Variants in BCOR observed in about 807,000 individuals in gnomAD.
BCOR encodes the protein BCL-6 corepressor.
A neutral mutation model predicts 86.7 loss-of-function variants in BCOR; 10 were observed. The observed-to-expected ratio is 0.12, with a 90% CI of 0.07 to 0.20. The LOEUF (loss-of-function observed/expected upper bound fraction) is 0.20, where lower values mean the gene tolerates loss of function less well. Among genes scored for constraint, BCOR ranks in the 10% least tolerant of loss-of-function variants. BCOR has a pLI of 1.00. For synonymous variants in BCOR, 611 were observed against 609.0 expected (o/e 1.00, Z -0.05); for missense variants, 1,259 against 1,452.1 (o/e 0.87, Z 2.16).
chrX:40,145,193 G>T (rs1452375191), intron 1 of BCOR, among the ~76,000 whole-genome samples: 1 of 111,421 alleles, frequency 9.0e-6, no homozygotes, highest in African/African-American at 3.3e-5. Context: ...CTGACACGCC[G>T]CCAGCACCCA....
At chrX:40,158,564 T>G (rs1480227086) in intron 1 of BCOR, among the ~76,000 whole-genome samples, 1 of 112,533 alleles carries the variant, frequency 8.9e-6, no homozygotes, top group Non-Finnish European at 1.9e-5. Context: ...GAGCGGATTT[T>G]AATCCTGAGA....
chrX:40,102,303 C>T (rs1937087019), upstream of BCOR, among the ~76,000 whole-genome samples: 1 of 112,906 alleles, frequency 8.9e-6, no homozygotes, highest in Non-Finnish European at 1.9e-5. Flanking sequence ...TTGGGTCAGG[C>T]CCTGAGCTCC....
At chrX:40,107,314 C>A (rs1025995973) in intron 1 of BCOR, among the ~76,000 whole-genome samples, 1 of 111,202 alleles carries the variant, frequency 9.0e-6, no homozygotes, top group Admixed American at 9.4e-5. Context: ...GCACGCGGGG[C>A]GGGGCGACCC....
intron 4 of BCOR, 56 bp downstream of exon 4, chrX:40,072,293 C>T: frequency 8.8e-7 from 1 of 1,133,623 alleles, no homozygotes; most frequent in South Asian, 1.9e-5. Context: ...ATCCTGTTTA[C>T]ACATTAAAAA....
At chrX:40,101,322 C>T (rs974443074), upstream of BCOR, among the ~76,000 whole-genome samples, 2 of 111,538 alleles carry the variant, frequency 1.8e-5, no homozygotes, top group African/African-American at 6.5e-5. Flanking sequence ...CTGCTATACC[C>T]AGCACTCAGC....
Position 40,094,278 on chromosome X carries a change from C to G in BCOR, c.-41+2937G>C, listed in dbSNP as rs375066749. Among the ~76,000 whole-genome samples the G allele has an allele frequency of 1.1e-4, 12 of 112,396 alleles. No individual in the cohort carries two copies. In the East Asian group the frequency reaches 3.4e-3, roughly 32 times the overall value. On this transcript the variant is annotated intron_variant, in intron 1 of 14. Transcript: ENST00000378444. ...CTCCAGTCCTTCAGCCGGGAGGGAG[C>G]CTGCATGCCTGTCTAGACCGATCTA...
upstream of BCOR, among the ~76,000 whole-genome samples, chrX:40,100,648 G>T (rs779458658): frequency 6.6e-5 from 7 of 106,075 alleles, no homozygotes; most frequent in Admixed American, 7.1e-4. Context: ...GCGGTGAGCC[G>T]AGATCGCGCC....
At chrX:40,080,994 C>CAG (rs1057262594) in intron 1 of BCOR, among the ~76,000 whole-genome samples, 3 of 110,739 alleles carry the variant, frequency 2.7e-5, no homozygotes, top group African/African-American at 9.8e-5. Context: ...CACGCGCACA[C>CAG]ACACACACAC....
At chrX:40,104,184 ACT>A (rs1481854582) in intron 1 of BCOR, among the ~76,000 whole-genome samples, 1 of 111,806 alleles carries the variant, frequency 8.9e-6, no homozygotes, top group Non-Finnish European at 1.9e-5. Flanking sequence ...TCTCTTAGTT[ACT>A]GGTCGATGTT....
intron 1 of BCOR, among the ~76,000 whole-genome samples, chrX:40,094,211 C>T (rs1008501963): frequency 3.1e-4 from 35 of 111,892 alleles, no homozygotes; most frequent in African/African-American, 1.1e-3. Flanking sequence ...CTCGCTCACT[C>T]GCAGCTCACA....
chrX:40,076,918 A>G (rs931959434), intron 2 of BCOR: 3 of 327,828 alleles, frequency 9.2e-6, no homozygotes, highest in African/African-American at 7.9e-5. Context: ...ATGAAGTGGT[A>G]ACACAGCCAA....
In BCOR at chrX:40,097,763, C is replaced by A. The variant is rs1260842443; in HGVS notation, c.-589G>T. Among the ~76,000 whole-genome samples the A allele has an allele frequency of 9.0e-6, 1 of 111,336 alleles. No homozygotes were observed. Among genetic ancestry groups the A allele is most frequent in the African/African-American group, 3.3e-5 (1 of 30,734 alleles). ...GTGAGTGTTGGCCAAGTCGTCCCTG[C>A]GCGGCGACAGCGCGGCTTGGGCTCT... is the stretch of plus-strand genomic sequence containing the variant. On this transcript the variant is annotated 5_prime_UTR_variant, in exon 1 of 15. Transcript: ENST00000378444.
At chrX:40,165,856 C>T (rs1938500531) in intron 1 of BCOR, among the ~76,000 whole-genome samples, 1 of 111,780 alleles carries the variant, frequency 8.9e-6, no homozygotes, top group Non-Finnish European at 1.9e-5. Flanking sequence ...CAGCTCACTG[C>T]AGCCTTGACC....
At chrX:40,075,991 G>A (rs917872107) in intron 3 of BCOR, among the ~76,000 whole-genome samples, 3 of 111,312 alleles carry the variant, frequency 2.7e-5, no homozygotes, top group Admixed American at 9.5e-5. Flanking sequence ...AACGATCTTC[G>A]ATGGGACAAC....
At chrX:40,171,090 C>T (rs913727109) in intron 1 of BCOR, among the ~76,000 whole-genome samples, 4 of 112,270 alleles carry the variant, frequency 3.6e-5, no homozygotes, top group African/African-American at 1.3e-4. Context: ...CCTCACTGAA[C>T]TGGAGCCAGA....
chrX:40,062,203 C>T lies in BCOR; in HGVS notation c.4364G>A (p.Arg1455Lys), dbSNP rs2147002034. The part of the protein sequence containing the change: ...QSRPMPPEAR[R>K]LIVNKNAGET... ...GCCAGCGTTCTTATTGACAATAAGT[C>T]TCCGTGCTTCCGGCGGCATAGGGCG... The change falls in exon 10 of 15, where the codon AGA becomes AAA. Residue 1455 changes from arginine to lysine, a missense_variant. By Grantham distance (26) the Arg-to-Lys change is conservative. Around this residue, in one of 7 missense-constraint regions of BCOR, gnomAD observed 47 missense variants for 102.1 expected, o/e 0.46. Coordinates refer to ENST00000378444, the MANE Select transcript of BCOR (RefSeq NM_001123385.2). 8.3e-7 allele frequency: 1 copy of T among 1,209,025 alleles called. No homozygotes were observed. Among genetic ancestry groups the T allele is most frequent in the Non-Finnish European group, 1.1e-6 (1 of 894,288 alleles).
At chrX:40,057,976 G>A (rs1400910902) in intron 10 of BCOR, among the ~76,000 whole-genome samples, 1 of 111,860 alleles carries the variant, frequency 8.9e-6, no homozygotes, top group South Asian at 3.7e-4. Context: ...TGACATCAAC[G>A]CTTCCAATAA....
At chrX:40,063,157 A>G in intron 8 of BCOR, 86 bp from the exon 9 acceptor site, 2 of 700,466 alleles carry the variant, frequency 2.9e-6, no homozygotes, top group Non-Finnish European at 4.2e-6. Context: ...CAGTGCAGGA[A>G]GAAAAGCCCA....
intron 1 of BCOR, among the ~76,000 whole-genome samples, chrX:40,094,992 G>C (rs766664093): frequency 8.8e-4 from 99 of 112,219 alleles, no homozygotes; most frequent in Non-Finnish European, 1.4e-3. Context: ...GGGGCCAGCC[G>C]AGCCCCAGCC....
Sources: gnomAD v4.1 joint callset for allele counts (sites outside exome capture counted in the v4.1 genomes callset) on GRCh38, gnomAD v4.1.1 for gene constraint, gnomAD v4.1.1 regional missense constraint, MANE v1.5 for transcripts, NCBI Gene and HGNC (gene_info 2026-07-23, HGNC 2026-07-21) for gene names.